The following TRAPPC9 variants were observed in gnomAD, a reference collection of about 807,000 sequenced individuals.
The protein encoded by TRAPPC9 is trafficking protein particle complex subunit 9, also known as IKK2 binding protein.
TRAPPC9 carries 83 observed loss-of-function variants against 124.0 expected under a neutral mutation model. The ratio of observed to expected loss-of-function variants is 0.67; its 90% CI spans 0.56 to 0.80. TRAPPC9 has a LOEUF of 0.80. TRAPPC9 is among the 30% of genes least tolerant of loss of function. The pLI, the probability that TRAPPC9 is intolerant of heterozygous loss-of-function variation, is 0.00. For missense variants in TRAPPC9, 1,302 were observed against 1,508.3 expected (o/e 0.86, Z 2.27); for synonymous variants, 638 against 617.5 (o/e 1.03, Z -0.49).
intron 16 of TRAPPC9, among the ~76,000 whole-genome samples, chr8:140,244,800 CTTTTTTT>C (rs1162364645): frequency 1.2e-4 from 11 of 90,176 alleles, no homozygotes; most frequent in Non-Finnish European, 1.5e-4. Flanking sequence ...TTTCCAATTC[CTTTTTTT>C]TTTTTTTTTT....
chr8:139,781,749 G>A (rs760982218), intron 21 of TRAPPC9, among the ~76,000 whole-genome samples: 1 of 152,058 alleles, frequency 6.6e-6, no homozygotes, highest in Non-Finnish European at 1.5e-5. Flanking sequence ...GTGGGAGGGA[G>A]GGGTATATGG....
In TRAPPC9 at chr8:139,817,591, G is replaced by A. The variant is rs114478922; in HGVS notation, c.3055+68288C>T. Among the ~76,000 whole-genome samples, 935 of 152,358 alleles carry A rather than the reference G, an allele frequency of 6.1e-3. 12 individuals are homozygous for A. The highest frequency in any genetic ancestry group is 0.021 in the African/African-American group (868 of 41,586). On this transcript the variant is annotated intron_variant, in intron 21 of 22. Transcript: ENST00000438773. ...CTTCTCGTTCATTAACCCCTTACCC[G>A]TGGATGCGTCCCGGCAGCAGGCGCC...
chr8:140,414,404 T>C (rs1039259026), intron 5 of TRAPPC9, among the ~76,000 whole-genome samples: 7 of 152,068 alleles, frequency 4.6e-5, no homozygotes, highest in African/African-American at 1.7e-4. Flanking sequence ...CATGGTGTCA[T>C]GGCCCTGTAG....
chr8:139,866,223 T>C (rs1024235420), intron 21 of TRAPPC9, among the ~76,000 whole-genome samples: 2 of 152,194 alleles, frequency 1.3e-5, no homozygotes, highest in African/African-American at 4.8e-5. Flanking sequence ...CTAAATGTGT[T>C]GATGTTAATG....
In TRAPPC9 at chr8:140,275,793, CAGA is replaced by C. The variant is rs752148859; in HGVS notation, c.2140_2142del (p.Ser714del). On this transcript the variant is annotated inframe_deletion, in exon 15 of 23. Coordinates refer to ENST00000438773, the MANE Select transcript of TRAPPC9 (RefSeq NM_001160372.4). ...GATACATTAGTAGATATTTCATCAC[CAGA>C]AGAAGGTTGCAATGAATGTGCAGAT... The C allele has an allele frequency of 5.6e-6, 9 of 1,613,352 alleles. No individual in the cohort carries two copies. In the East Asian group the frequency reaches 1.6e-4, roughly 28 times the overall value.
intron 21 of TRAPPC9, among the ~76,000 whole-genome samples, chr8:139,823,627 G>A (rs899750630): frequency 2.6e-5 from 4 of 152,142 alleles, no homozygotes; most frequent in African/African-American, 7.2e-5. Flanking sequence ...AGGGATGCAC[G>A]GGGGTCTCTC....
At chr8:139,795,697 G>A (rs1399816533) in intron 21 of TRAPPC9, among the ~76,000 whole-genome samples, 1 of 152,108 alleles carries the variant, frequency 6.6e-6, no homozygotes, top group Non-Finnish European at 1.5e-5. Flanking sequence ...GAAACCCAGA[G>A]TACGCAATTA....
chr8:140,072,612 AG>A (rs1563739107), intron 17 of TRAPPC9, among the ~76,000 whole-genome samples: 7 of 149,342 alleles, frequency 4.7e-5, no homozygotes, highest in Non-Finnish European at 1.0e-4. Context: ...GAGGAGGAGG[AG>A]GAGGAGGAGG....
chr8:140,391,296 A>C (rs1197329472), intron 7 of TRAPPC9, among the ~76,000 whole-genome samples: 4 of 152,236 alleles, frequency 2.6e-5, no homozygotes, highest in East Asian at 1.9e-4. Flanking sequence ...TGTTGGATTC[A>C]ATGAGAGTTG....
rs189038430 is a variant in TRAPPC9, at chr8:139,923,029, A to G, written c.2811-12729T>C. Among the ~76,000 whole-genome samples the G allele has an allele frequency of 5.0e-3, 759 of 151,728 alleles. 3 individuals are homozygous for G. The highest frequency in any genetic ancestry group is 7.0e-3 in the Non-Finnish European group (475 of 67,854). On this transcript the variant is annotated intron_variant, in intron 19 of 22. Coordinates refer to ENST00000438773, the MANE Select transcript of TRAPPC9 (RefSeq NM_001160372.4). ...CACAGAACCAGCAGAGTCAAGCCCT[A>G]CAACAGCTTTTGTAGAAGAGCTGCA...
chr8:140,201,733 C>T (rs1378543745), intron 17 of TRAPPC9, among the ~76,000 whole-genome samples: 1 of 152,186 alleles, frequency 6.6e-6, no homozygotes. Flanking sequence ...CTAACTCCCA[C>T]TCAAACACTA....
intron 17 of TRAPPC9, among the ~76,000 whole-genome samples, chr8:140,051,699 C>T (rs1842018230): frequency 6.9e-6 from 1 of 145,332 alleles, no homozygotes; most frequent in South Asian, 2.1e-4. Context: ...CTATAAAGGA[C>T]ATTGATAATT....
chr8:140,101,540 T>TTC (rs2060579068), intron 17 of TRAPPC9, among the ~76,000 whole-genome samples: 1 of 133,250 alleles, frequency 7.5e-6, no homozygotes, highest in Non-Finnish European at 1.6e-5. Flanking sequence ...TTCTTTTTTT[T>TTC]GTTTTTTTTT....
rs2067903445 is a variant in TRAPPC9 at position 140,360,163 on chromosome 8, A to G, written c.1382T>C (p.Met461Thr). The change falls in exon 9 of 23, where the codon ATG (methionine) becomes ACG (threonine). Residue 461 changes from methionine (M) to threonine (T), a missense_variant. Around this residue, in one of 3 missense-constraint regions of TRAPPC9, gnomAD observed 657 missense variants for 811.2 expected, o/e 0.81. Coordinates refer to ENST00000438773, the MANE Select transcript of TRAPPC9 (RefSeq NM_001160372.4). ...GTAGACCAATTCATGGAGCAAACGC[A>G]TCTGGACCGCAGCCCAGCCTCTGTG... ...GTHRGWAAVQ[M>T]RLLHELVYAS... is the part of the protein sequence containing the mutation. The G allele has an allele frequency of 6.2e-7, 1 of 1,614,114 alleles. No homozygotes were observed. Among genetic ancestry groups the G allele is most frequent in the African/African-American group, 1.3e-5 (1 of 74,930 alleles).
chr8:140,371,151 G>A lies in TRAPPC9; in HGVS notation c.1164C>T (p.Tyr388=), dbSNP rs148976893. 8.2e-4 allele frequency: 1,325 copies of A among 1,613,538 alleles called. 4 individuals are homozygous for A. The highest frequency in any genetic ancestry group is 7.3e-4 in the Non-Finnish European group (858 of 1,179,806). ...GCTCATAGAGCTCGGAGAGGATGCT[G>A]TAGCGCTGAATTTTCTCTTCCTCAG... ...QLSEEEKIQR[Y]SILSELYELI... The change falls in exon 8 of 23, where the codon TAC becomes TAT. Residue 388 remains tyrosine, a synonymous_variant. Coordinates refer to ENST00000438773, the MANE Select transcript of TRAPPC9 (RefSeq NM_001160372.4).
chr8:140,289,131 C>A (rs2065573940), intron 12 of TRAPPC9, among the ~76,000 whole-genome samples: 1 of 151,870 alleles, frequency 6.6e-6, no homozygotes, highest in African/African-American at 2.4e-5. Context: ...GGGGTATACA[C>A]ATGTGTACAT....
At chr8:140,297,432 CACAT>C (rs1270373952) in intron 11 of TRAPPC9, among the ~76,000 whole-genome samples, 1 of 152,182 alleles carries the variant, frequency 6.6e-6, no homozygotes, top group African/African-American at 2.4e-5. Flanking sequence ...CGCATACACA[CACAT>C]ACACACATAC....
chr8:140,309,426 C>T (rs1050315949), intron 10 of TRAPPC9, among the ~76,000 whole-genome samples: 1 of 152,240 alleles, frequency 6.6e-6, no homozygotes, highest in Non-Finnish European at 1.5e-5. Flanking sequence ...TCCAGGGCTG[C>T]CTGGCAGGCT....
upstream of TRAPPC9, chr8:140,458,148 A>AGGAGGGAGAT (rs143157829): frequency 1.2e-4 from 172 of 1,463,334 alleles, 1 homozygote; most frequent in Admixed American, 9.0e-4. Context: ...GGAGGAGGGA[A>AGGAGGGAGAT]GGAGGGAGAT....
Sources: gnomAD v4.1 joint callset for allele counts (sites outside exome capture counted in the v4.1 genomes callset) on GRCh38, gnomAD v4.1.1 for gene constraint, gnomAD v4.1.1 regional missense constraint, MANE v1.5 for transcripts, NCBI Gene and HGNC (gene_info 2026-07-23, HGNC 2026-07-21) for gene names.